The following CACNA1B variants were observed in gnomAD, a reference collection of about 807,000 sequenced individuals.
CACNA1B encodes the protein calcium voltage-gated channel subunit alpha1 B.
Under a neutral mutation model 247.2 loss-of-function variants are expected in CACNA1B, and 70 were observed. The observed-to-expected ratio is 0.28, with a 90% CI of 0.23 to 0.35. The LOEUF (loss-of-function observed/expected upper bound fraction) is 0.35, where lower values mean the gene tolerates loss of function less well. CACNA1B is among the 10% of genes least tolerant of loss of function. The probability of loss-of-function intolerance (pLI) is 1.00; values close to 1 mark genes in which losing one functional copy is unlikely to be tolerated. For synonymous variants in CACNA1B, 1,231 were observed against 1,294.4 expected, an observed-to-expected ratio of 0.95 and a Z score of 1.05; for missense variants, 2,367 against 3,197.4, an observed-to-expected ratio of 0.74 and a Z score of 6.26.
intron 42 of CACNA1B, among the ~76,000 whole-genome samples, chr9:138,116,210 C>T (rs1373713571): frequency 6.6e-6 from 1 of 152,222 alleles, no homozygotes; most frequent in Non-Finnish European, 1.5e-5. Context: ...CTGCTCTGAT[C>T]TTTCTAACCC....
intron 6 of CACNA1B, among the ~76,000 whole-genome samples, chr9:137,923,217 G>T (rs763450076): frequency 6.8e-6 from 1 of 147,306 alleles, no homozygotes; most frequent in Non-Finnish European, 1.5e-5. Context: ...GTGGTATTCC[G>T]TGGTGCCAGG....
intron 36 of CACNA1B, among the ~76,000 whole-genome samples, chr9:138,085,402 CAA>C (rs34948400): frequency 6.6e-6 from 1 of 150,412 alleles, no homozygotes; most frequent in South Asian, 2.1e-4. Context: ...CATGATTAAG[CAA>C]AAAAATATTT....
At chr9:138,085,020 C>T (rs781688578) in intron 36 of CACNA1B, among the ~76,000 whole-genome samples, 10 of 148,966 alleles carry the variant, frequency 6.7e-5, no homozygotes, top group Admixed American at 3.3e-4. Context: ...GTAGTAGACC[C>T]TAGTAAAAAC....
At chr9:137,900,881 G>C (rs1021006453) in intron 3 of CACNA1B, among the ~76,000 whole-genome samples, 24 of 146,692 alleles carry the variant, frequency 1.6e-4, no homozygotes, top group African/African-American at 5.9e-4. Flanking sequence ...TTGTGTCCGT[G>C]TGTCTGTGTG....
At chr9:137,889,042 G>C (rs1269836695) in intron 3 of CACNA1B, among the ~76,000 whole-genome samples, 1 of 149,532 alleles carries the variant, frequency 6.7e-6, no homozygotes, top group Admixed American at 6.7e-5. Flanking sequence ...GCCCAGAGAC[G>C]CTGCCTTCCC....
In CACNA1B at chr9:138,023,630, C is replaced by A. The variant is rs1394234701; in HGVS notation, c.2887C>A (p.Arg963=). The change falls in exon 19 of 47, where the codon CGA becomes AGA. Residue 963 remains arginine, a synonymous_variant. Transcript: ENST00000371372. ...GCGCGCGCGGCACCGCGGCGGCCCC[C>A]GAGCGGGGCCCCGGGAGGCGGAGAG... ...ERRARHRGGP[R]AGPREAESGE... The A allele has an allele frequency of 1.6e-6, 2 of 1,287,190 alleles. No homozygotes were observed. Among genetic ancestry groups the A allele is most frequent in the Non-Finnish European group, 9.9e-7 (1 of 1,011,794 alleles). 79.7% of individuals were successfully genotyped at this position (1,287,190 alleles called of 1,614,324 possible).
chr9:137,904,352 CTTTTTTT>C (rs11351694), intron 3 of CACNA1B, among the ~76,000 whole-genome samples: 2 of 80,394 alleles, frequency 2.5e-5, no homozygotes, highest in Non-Finnish European at 2.2e-5. Flanking sequence ...CTCTCTCTCT[CTTTTTTT>C]TTTTTTTTTT....
At chr9:138,076,427 G>A (rs539550873) in intron 35 of CACNA1B, among the ~76,000 whole-genome samples, 52 of 152,344 alleles carry the variant, frequency 3.4e-4, no homozygotes, top group African/African-American at 1.2e-3. Flanking sequence ...CTGCCGATCT[G>A]AACACACCTT....
At chr9:138,022,810 G>C (rs938872634) in intron 18 of CACNA1B, among the ~76,000 whole-genome samples, 1 of 134,562 alleles carries the variant, frequency 7.4e-6, no homozygotes, top group African/African-American at 3.3e-5. Context: ...CACCGTGGGG[G>C]GGGGGGGCGG....
At position 138,121,529 on chromosome 9, in the gene CACNA1B, C is replaced by T. The variant is rs201646477; in HGVS notation, c.6550C>T (p.Arg2184Cys). 37 of 1,580,098 alleles carry T rather than the reference C, an allele frequency of 2.3e-5. No individual in the cohort carries two copies. In the African/African-American group the frequency reaches 4.0e-4, roughly 17 times the overall value. ...AACATCTGGTGCTAGCACCCCCGGC[C>T]GCGGTGGGCGGAGGCAGCTCCCCCA... ...LSTSGASTPG[R>C]GGRRQLPQTP... The change falls in exon 47 of 47, where the codon CGC becomes TGC. Residue 2184 changes from arginine (R) to cysteine (C), a missense_variant. By Grantham distance (180) the Arg-to-Cys change is radical. Around this residue, in one of 12 missense-constraint regions of CACNA1B, gnomAD observed 773 missense variants for 779.4 expected, o/e 0.99. Coordinates refer to ENST00000371372, the MANE Select transcript of CACNA1B (RefSeq NM_000718.4). This position sits in a 1 kb window ranked among gnomAD's most constrained non-coding sequence, Gnocchi z 6.8.
chr9:137,980,907 A>C (rs1249214777), intron 12 of CACNA1B, among the ~76,000 whole-genome samples: 1 of 152,188 alleles, frequency 6.6e-6, no homozygotes, highest in East Asian at 1.9e-4. Context: ...ATCCACTGTT[A>C]ACTGGCACCT....
rs369282948 is a variant in CACNA1B at position 138,016,554 on chromosome 9, C to T, written c.2267+3319C>T. On this transcript the variant is annotated intron_variant, in intron 18 of 46. Transcript: ENST00000371372. ...ACCAGAGTGGGGTCCAGGTGCTTGCCGGGAAGTCAGGTGGGTTCGGCAGCA... is the reference window on the plus strand; with the variant it reads ...ACCAGAGTGGGGTCCAGGTGCTTGCTGGGAAGTCAGGTGGGTTCGGCAGCA... Among the ~76,000 whole-genome samples the T allele has an allele frequency of 1.2e-4, 18 of 152,268 alleles. 1 individual carries two copies. The East Asian group carries it at 2.5e-3, about 21-fold the overall frequency.
At chr9:137,906,874 A>G (rs1957305949) in intron 3 of CACNA1B, among the ~76,000 whole-genome samples, 2 of 151,920 alleles carry the variant, frequency 1.3e-5, no homozygotes, top group African/African-American at 4.8e-5. Flanking sequence ...GTTCCTCTGC[A>G]CTCTCCCCTG....
At position 138,028,283 on chromosome 9, in the gene CACNA1B, G is replaced by A. The variant is rs903382408; in HGVS notation, c.3286+3111G>A. 7.9e-5 allele frequency among the ~76,000 whole-genome samples: 12 copies of A among 151,942 alleles called. No individual in the cohort carries two copies. In the East Asian group the frequency reaches 1.5e-3, roughly 20 times the overall value. On this transcript the variant is annotated intron_variant, in intron 20 of 46. Transcript: ENST00000371372. ...AGTGATCCACCTGTCTTGGCCTCCC[G>A]AAGTGCTGGGATTACAGGCGTGAGC...
chr9:138,074,161 C>A, intron 34 of CACNA1B, 95 bp downstream of exon 34: 1 of 892,990 alleles, frequency 1.1e-6, no homozygotes, highest in Non-Finnish European at 1.9e-6. Flanking sequence ...TCGTCATAAT[C>A]AGTTGATCCT....
chr9:138,090,377 A>C (rs1171419212), intron 36 of CACNA1B, among the ~76,000 whole-genome samples: 2 of 152,124 alleles, frequency 1.3e-5, no homozygotes, highest in African/African-American at 2.4e-5. Context: ...CTCAACCCCT[A>C]TCTCTCGCTA....
intron 38 of CACNA1B, among the ~76,000 whole-genome samples, chr9:138,104,181 C>T (rs1277331788): frequency 6.6e-6 from 1 of 152,238 alleles, no homozygotes; most frequent in African/African-American, 2.4e-5. Flanking sequence ...CAGAGCACTG[C>T]ACCTTGGAGG....
In CACNA1B at chr9:138,007,938, C is replaced by T. The variant is rs1958674399; in HGVS notation, c.2092+1054C>T. Among the ~76,000 whole-genome samples, 1 of 152,232 alleles carries T rather than the reference C, an allele frequency of 6.6e-6. No homozygotes were observed. On this transcript the variant is annotated intron_variant, in intron 16 of 46. Transcript: ENST00000371372. This position sits in a 1 kb window ranked among gnomAD's most constrained non-coding sequence, Gnocchi z 4.1. Reference sequence around the variant, plus strand: ...CACCTTCTTTCCTGTCTCCATCTCCCTGGCTCCTCATTCCTTGCTCCACCT... The same window carrying T: ...CACCTTCTTTCCTGTCTCCATCTCCTTGGCTCCTCATTCCTTGCTCCACCT...
At chr9:138,046,054 T>C (rs1325963161) in intron 21 of CACNA1B, among the ~76,000 whole-genome samples, 1 of 152,210 alleles carries the variant, frequency 6.6e-6, no homozygotes, top group Non-Finnish European at 1.5e-5. Flanking sequence ...CACCCGTAGA[T>C]GGGCTTCCCA....
Sources: gnomAD v4.1 joint callset for allele counts (sites outside exome capture counted in the v4.1 genomes callset) on GRCh38, gnomAD v4.1.1 for gene constraint, gnomAD v4.1.1 regional missense constraint, Gnocchi (gnomAD v3.1) non-coding constraint, MANE v1.5 for transcripts, NCBI Gene and HGNC (gene_info 2026-07-23, HGNC 2026-07-21) for gene names.